The following ZFAND6 variants were observed in gnomAD, a reference collection of about 807,000 sequenced individuals.
The protein encoded by ZFAND6 is AN1-type zinc finger protein 6.
Under a neutral mutation model 24.5 loss-of-function variants are expected in ZFAND6, and 12 were observed. That is an observed-to-expected ratio of 0.49 (90% CI 0.31 to 0.79). The LOEUF is 0.79. Among genes scored for constraint, ZFAND6 ranks in the 30% least tolerant of loss-of-function variants. The pLI is 0.04. For synonymous variants in ZFAND6, 92 were observed against 81.5 expected (o/e 1.13, Z -0.69); for missense variants, 207 against 245.9 (o/e 0.84, Z 1.06).
chr15:80,115,573 C>G (rs1036417797), intron 2 of ZFAND6, among the ~76,000 whole-genome samples: 9 of 152,156 alleles, frequency 5.9e-5, no homozygotes, highest in African/African-American at 2.2e-4. Flanking sequence ...CCCATCTATG[C>G]CATTACACAT....
At chr15:80,124,447 T>C (rs2040286764) in intron 5 of ZFAND6, among the ~76,000 whole-genome samples, 1 of 151,572 alleles carries the variant, frequency 6.6e-6, no homozygotes, top group Non-Finnish European at 1.5e-5. Flanking sequence ...AAAAAAAAAA[T>C]TTAGAATGTT....
At chr15:80,127,596 A>T in intron 5 of ZFAND6, among the ~76,000 whole-genome samples, 1 of 150,342 alleles carries the variant, frequency 6.7e-6, no homozygotes, top group African/African-American at 2.5e-5. Flanking sequence ...TCTCAAAAAA[A>T]AAAAAAAAAA....
chr15:80,099,228 AG>A (rs2141935075), intron 2 of ZFAND6, among the ~76,000 whole-genome samples: 1 of 152,254 alleles, frequency 6.6e-6, no homozygotes, highest in Admixed American at 6.5e-5. Context: ...TAACACCTTA[AG>A]AATCTATGGT....
intron 2 of ZFAND6, among the ~76,000 whole-genome samples, chr15:80,106,797 A>T (rs994122919): frequency 7.2e-5 from 11 of 152,184 alleles, no homozygotes; most frequent in South Asian, 2.1e-4. Context: ...CTCTGCAAGG[A>T]TAGAGACTTC....
At chr15:80,112,320 A>T (rs183798361) in intron 2 of ZFAND6, among the ~76,000 whole-genome samples, 2,064 of 152,332 alleles carry the variant, frequency 0.014, 40 homozygotes, top group African/African-American at 0.047. Flanking sequence ...CAAAATCCCT[A>T]TACTTTTATC....
At chr15:80,089,708 AC>A (rs1263988537) in intron 1 of ZFAND6, among the ~76,000 whole-genome samples, 1 of 152,122 alleles carries the variant, frequency 6.6e-6, no homozygotes, top group East Asian at 1.9e-4. Flanking sequence ...TCCTTGTAAT[AC>A]TGCCTGAGCT....
chr15:80,130,896 G>C (rs2040569974), intron 5 of ZFAND6: 1 of 324,200 alleles, frequency 3.1e-6, no homozygotes. Context: ...GATTAAATTT[G>C]TAGTTACTAG....
chr15:80,134,417 G>A (rs1399837081), intron 6 of ZFAND6, among the ~76,000 whole-genome samples: 1 of 152,214 alleles, frequency 6.6e-6, no homozygotes, highest in Non-Finnish European at 1.5e-5. Context: ...TAGGTCAGGG[G>A]TCGTAAAGAC....
rs542906449 is a variant in ZFAND6, at chr15:80,078,791, AT to A, written c.-181+18985del. On this transcript the variant is annotated intron_variant, in intron 1 of 6. Transcript: ENST00000261749. ...AGATGATATTTTGATTTTGATTTGC[AT>A]TTCTCTAATGATTAGTGATGGTAAT... Among the ~76,000 whole-genome samples, 212 of 150,960 alleles carry A rather than the reference AT, an allele frequency of 1.4e-3. 1 individual carries two copies. The highest frequency in any genetic ancestry group is 3.4e-3 in the Middle Eastern group (1 of 292).
chr15:80,099,847 C>A (rs1165440952), intron 2 of ZFAND6, among the ~76,000 whole-genome samples: 6 of 152,114 alleles, frequency 3.9e-5, no homozygotes, highest in African/African-American at 1.2e-4. Context: ...AAACTCCTGA[C>A]CTCCAGTGAT....
At chr15:80,080,100 G>T (rs1443250478) in intron 1 of ZFAND6, among the ~76,000 whole-genome samples, 1 of 151,542 alleles carries the variant, frequency 6.6e-6, no homozygotes, top group African/African-American at 2.4e-5. Flanking sequence ...CAGGGTTCAA[G>T]CAGTTCTCCC....
intron 5 of ZFAND6, among the ~76,000 whole-genome samples, chr15:80,123,413 C>T (rs2040233267): frequency 6.6e-6 from 1 of 152,114 alleles, no homozygotes; most frequent in African/African-American, 2.4e-5. Flanking sequence ...ATTAAATAAT[C>T]TCTGCTTAAT....
intron 1 of ZFAND6, among the ~76,000 whole-genome samples, chr15:80,062,236 GCA>G (rs1290767534): frequency 6.6e-6 from 1 of 152,092 alleles, no homozygotes; most frequent in East Asian, 1.9e-4. Flanking sequence ...TTCCACTTTT[GCA>G]CAGACTTTAA....
chr15:80,097,484 C>T (rs2038793448), intron 1 of ZFAND6, among the ~76,000 whole-genome samples: 1 of 151,878 alleles, frequency 6.6e-6, no homozygotes, highest in Admixed American at 6.6e-5. Context: ...TCTGTTTCTA[C>T]AAAAAATACA....
At chr15:80,081,202 A>G (rs866094639) in intron 1 of ZFAND6, among the ~76,000 whole-genome samples, 12 of 152,262 alleles carry the variant, frequency 7.9e-5, no homozygotes, top group African/African-American at 2.9e-4. Flanking sequence ...TTGATTGCCT[A>G]AAATAATTGT....
chr15:80,094,413 C>A (rs2038583275), intron 1 of ZFAND6, among the ~76,000 whole-genome samples: 1 of 152,164 alleles, frequency 6.6e-6, no homozygotes, highest in African/African-American at 2.4e-5. Context: ...TTATGAGAAC[C>A]TAAGGCCTGA....
intron 2 of ZFAND6, among the ~76,000 whole-genome samples, chr15:80,107,247 G>T (rs1386979435): frequency 6.6e-6 from 1 of 152,096 alleles, no homozygotes; most frequent in Non-Finnish European, 1.5e-5. Context: ...AAAATAATTT[G>T]TTTCATCAGG....
At chr15:80,106,657 T>A (rs543324182) in intron 2 of ZFAND6, among the ~76,000 whole-genome samples, 3 of 152,152 alleles carry the variant, frequency 2.0e-5, no homozygotes, top group African/African-American at 7.2e-5. Flanking sequence ...ATTATGCATA[T>A]TTTAATTCAT....
chr15:80,119,735 A>C (rs190187902), intron 2 of ZFAND6, among the ~76,000 whole-genome samples: 1 of 152,318 alleles, frequency 6.6e-6, no homozygotes, highest in East Asian at 1.9e-4. Flanking sequence ...TGACTGGTTC[A>C]GATAGCAATA....
Sources: allele counts gnomAD v4.1 joint callset (sites outside exome capture counted in the v4.1 genomes callset), GRCh38; gene constraint gnomAD v4.1.1; transcripts MANE v1.5; gene names NCBI Gene and HGNC (gene_info 2026-07-23, HGNC 2026-07-21).